The following BTBD9 variants were observed in gnomAD, a reference collection of about 807,000 sequenced individuals.
The protein encoded by BTBD9 is BTB domain containing 9.
In BTBD9, 49 loss-of-function variants were observed where a neutral mutation model predicts 64.3. The ratio of observed to expected loss-of-function variants is 0.76; its 90% confidence interval spans 0.61 to 0.97. The LOEUF (loss-of-function observed/expected upper bound fraction) is 0.97. Ranked by LOEUF, BTBD9 falls within the 50% of genes least tolerant of loss-of-function variation. The pLI, the probability that BTBD9 is intolerant of heterozygous loss-of-function variation, is 0.00. For missense variants in BTBD9, 598 were observed against 762.1 expected (o/e 0.78, Z 2.53); for synonymous variants, 260 against 274.7 (o/e 0.95, Z 0.53).
intron 7 of BTBD9, among the ~76,000 whole-genome samples, chr6:38,294,272 A>G (rs952768237): frequency 2.0e-5 from 3 of 152,182 alleles, no homozygotes; most frequent in African/African-American, 7.2e-5. Flanking sequence ...ATTCCTCAAG[A>G]ATCTAGAACC....
At chr6:38,518,800 T>C (rs972024337) in intron 6 of BTBD9, among the ~76,000 whole-genome samples, 1 of 152,246 alleles carries the variant, frequency 6.6e-6, no homozygotes, top group African/African-American at 2.4e-5. Flanking sequence ...TGGAGAGGCA[T>C]GTGAATGGCT....
intron 8 of BTBD9, among the ~76,000 whole-genome samples, chr6:38,278,928 G>C (rs1582155591): frequency 6.6e-6 from 1 of 152,192 alleles, no homozygotes; most frequent in East Asian, 1.9e-4. Flanking sequence ...AGAAGTAAAA[G>C]CATACTCTGC....
rs564554369 is a variant in BTBD9 at position 38,430,131 on chromosome 6, A to G, written c.1155-85038T>C. On this transcript the variant is annotated intron_variant, in intron 6 of 10. Transcript: ENST00000481247. ...AATTCTGTTTTGTCACTGATAGCAA[A>G]TAACATCAGATGATTTTTCCTAGGT... is the stretch of plus-strand genomic sequence containing the variant. Among the ~76,000 whole-genome samples, 152 of 152,156 alleles carry G rather than the reference A, an allele frequency of 1.0e-3. 2 individuals are homozygous for G. The South Asian group carries it at 0.011, about 11-fold the overall frequency.
intron 1 of BTBD9, among the ~76,000 whole-genome samples, chr6:38,615,830 G>T (rs1777765878): frequency 6.6e-6 from 1 of 152,182 alleles, no homozygotes. Context: ...AATTATTGCG[G>T]TCCTTTTTCA....
At chr6:38,265,058 G>A (rs1264759539) in intron 8 of BTBD9, among the ~76,000 whole-genome samples, 4 of 152,074 alleles carry the variant, frequency 2.6e-5, no homozygotes, top group Admixed American at 6.6e-5. Flanking sequence ...TATCTGGGAC[G>A]TGGAGGGTGA....
intron 6 of BTBD9, among the ~76,000 whole-genome samples, chr6:38,568,687 A>G (rs751661806): frequency 7.9e-5 from 12 of 152,182 alleles, no homozygotes; most frequent in Admixed American, 2.0e-4. Flanking sequence ...ATTTCCTCAC[A>G]TGCAGCATGT....
In BTBD9 at chr6:38,594,542, A is replaced by T. The variant is rs73414306; in HGVS notation, c.186-215T>A. On this transcript the variant is annotated intron_variant, in intron 2 of 10. Coordinates refer to ENST00000481247, the MANE Select transcript of BTBD9 (RefSeq NM_001099272.2). ...TTTGAATTAATTCTGTAAGCCACTG[A>T]ACTAATGAGATACTCTGAAAGCTCA... 6.9e-3 allele frequency among the ~76,000 whole-genome samples: 1,051 copies of T among 152,350 alleles called. 13 individuals carry two copies. Among genetic ancestry groups the T allele is most frequent in the African/African-American group, 0.024 (999 of 41,588 alleles).
chr6:38,278,383 C>A lies in BTBD9; in HGVS notation c.1454+9889G>T, dbSNP rs1210641891. On this transcript the variant is annotated intron_variant, in intron 8 of 10. Coordinates refer to ENST00000481247, the MANE Select transcript of BTBD9 (RefSeq NM_001099272.2). The stretch of plus-strand genomic sequence containing the variant: ...CAGCCAAATGCAAGCTCCTTTGGAA[C>A]AAATGACCTCTAGTAAAACAAATGT... 3.9e-5 allele frequency among the ~76,000 whole-genome samples: 6 copies of A among 152,194 alleles called. No individual in the cohort carries two copies. The South Asian group carries it at 6.2e-4, about 16-fold the overall frequency.
In BTBD9 at chr6:38,171,884, AAT is replaced by A. The variant is rs1766803273; in HGVS notation, c.*3099_*3100del. On this transcript the variant is annotated 3_prime_UTR_variant, in exon 11 of 11. Coordinates refer to ENST00000481247, the MANE Select transcript of BTBD9 (RefSeq NM_001099272.2). ...AAAAAAAAAAAAAAAAAAAAAAAAT[AAT>A]AATAATAATAATAATAATAATAATG... is the stretch of plus-strand genomic sequence containing the variant. 6 of 104,346 alleles carry A rather than the reference AAT, an allele frequency of 5.8e-5. No individual in the cohort carries two copies. Among genetic ancestry groups the A allele is most frequent in the East Asian group, 3.6e-4 (1 of 2,790 alleles). 6.5% of individuals were successfully genotyped at this position (104,346 alleles called of 1,614,324 possible).
At chr6:38,594,706 C>G (rs1188634804) in intron 2 of BTBD9, among the ~76,000 whole-genome samples, 1 of 152,172 alleles carries the variant, frequency 6.6e-6, no homozygotes, top group Non-Finnish European at 1.5e-5. Flanking sequence ...CAGATAAACA[C>G]TAATATGATG....
chr6:38,290,099 C>T (rs570784005), intron 7 of BTBD9, among the ~76,000 whole-genome samples: 5 of 149,836 alleles, frequency 3.3e-5, no homozygotes, highest in South Asian at 2.2e-4. Flanking sequence ...GCCCTCATCT[C>T]GTATGCCTTC....
chr6:38,205,879 C>CGAAAAAAAAAAAAAAAA (rs1762625649), intron 9 of BTBD9, among the ~76,000 whole-genome samples: 1 of 47,288 alleles, frequency 2.1e-5, no homozygotes, highest in Non-Finnish European at 3.8e-5. Context: ...GAGTCTGTCT[C>CGAAAAAAAAAAAAAAAA]AAAAAAAAAA....
At chr6:38,337,412 T>C (rs1408524427) in intron 7 of BTBD9, among the ~76,000 whole-genome samples, 1 of 152,230 alleles carries the variant, frequency 6.6e-6, no homozygotes, top group East Asian at 1.9e-4. Context: ...CTATTTCTAT[T>C]TACTATCTTC....
intron 7 of BTBD9, among the ~76,000 whole-genome samples, chr6:38,343,340 G>A (rs1562051507): frequency 6.6e-6 from 1 of 152,138 alleles, no homozygotes; most frequent in Non-Finnish European, 1.5e-5. Context: ...TAATTACAGT[G>A]TCCACAAACC....
chr6:38,435,657 CTT>C (rs1308453094), intron 6 of BTBD9, among the ~76,000 whole-genome samples: 10 of 105,146 alleles, frequency 9.5e-5, no homozygotes, highest in African/African-American at 3.8e-4. Context: ...TCCTTCCTTC[CTT>C]TCTCTCTCTC....
intron 6 of BTBD9, among the ~76,000 whole-genome samples, chr6:38,468,069 T>C (rs1375677578): frequency 2.0e-5 from 3 of 152,212 alleles, no homozygotes; most frequent in African/African-American, 7.2e-5. Flanking sequence ...CATTCTAATC[T>C]ATTTTACTCA....
intron 6 of BTBD9, among the ~76,000 whole-genome samples, chr6:38,576,185 T>C (rs902576596): frequency 1.3e-5 from 2 of 152,188 alleles, no homozygotes; most frequent in African/African-American, 4.8e-5. Context: ...ACAACAGTAA[T>C]AACCTGAGTC....
chr6:38,366,453 A>G lies in BTBD9; in HGVS notation c.1155-21360T>C, dbSNP rs114121640. 6.6e-3 allele frequency among the ~76,000 whole-genome samples: 1,010 copies of G among 152,330 alleles called. 6 individuals carry two copies. The highest frequency in any genetic ancestry group is 9.6e-3 in the Non-Finnish European group (654 of 68,034). On this transcript the variant is annotated intron_variant, in intron 6 of 10. Coordinates refer to ENST00000481247, the MANE Select transcript of BTBD9 (RefSeq NM_001099272.2). ...CGGGTCCCAGTCAGCTGACACAAGAAGCAGGTTTCGAAAAGGAAAGCTGTC... is the reference window on the plus strand; with the variant it reads ...CGGGTCCCAGTCAGCTGACACAAGAGGCAGGTTTCGAAAAGGAAAGCTGTC...
At chr6:38,414,600 C>T (rs1767583111) in intron 6 of BTBD9, among the ~76,000 whole-genome samples, 2 of 152,284 alleles carry the variant, frequency 1.3e-5, no homozygotes, top group South Asian at 4.1e-4. Flanking sequence ...CAGCATGCTG[C>T]CTGCCATTGG....
Sources: allele counts gnomAD v4.1 joint callset (sites outside exome capture counted in the v4.1 genomes callset), GRCh38; gene constraint gnomAD v4.1.1; transcripts MANE v1.5; gene names NCBI Gene and HGNC (gene_info 2026-07-23, HGNC 2026-07-21).